The following KIAA1328 variants were observed in gnomAD, a reference collection of about 807,000 sequenced individuals.
The protein encoded by KIAA1328 is protein hinderin.
KIAA1328 carries 52 observed loss-of-function variants against 68.1 expected under a neutral mutation model. The ratio of observed to expected loss-of-function variants is 0.76; its 90% confidence interval spans 0.61 to 0.96. The LOEUF is 0.96. Ranked by LOEUF, KIAA1328 falls within the 40% of genes least tolerant of loss-of-function variation. The probability of loss-of-function intolerance (pLI) is 0.00; values close to 1 mark genes in which losing one functional copy is unlikely to be tolerated. For synonymous variants in KIAA1328, 232 were observed against 239.4 expected (o/e 0.97, Z 0.28); for missense variants, 641 against 677.6 (o/e 0.95, Z 0.60).
At chr18:37,078,478 T>C (rs2151786063) in intron 7 of KIAA1328, among the ~76,000 whole-genome samples, 1 of 150,446 alleles carries the variant, frequency 6.6e-6, no homozygotes, top group Non-Finnish European at 1.5e-5. Flanking sequence ...AATTGACAAA[T>C]GGGATCTAAT....
At chr18:37,051,441 A>G (rs564399215) in intron 6 of KIAA1328, among the ~76,000 whole-genome samples, 1 of 152,292 alleles carries the variant, frequency 6.6e-6, no homozygotes, top group South Asian at 2.1e-4. Flanking sequence ...CATACAAACT[A>G]GAAAGCCTAG....
At chr18:37,221,729 T>C (rs2060566709) in intron 9 of KIAA1328, among the ~76,000 whole-genome samples, 1 of 152,202 alleles carries the variant, frequency 6.6e-6, no homozygotes, top group South Asian at 2.1e-4. Flanking sequence ...ACTGTTAATA[T>C]CATTACTGTT....
Position 37,223,310 on chromosome 18 carries a change from G to T in KIAA1328, c.*1083G>T, listed in dbSNP as rs2060597521. The T allele has an allele frequency of 4.1e-6, 4 of 985,112 alleles. No homozygotes were observed. Among genetic ancestry groups the T allele is most frequent in the East Asian group, 1.1e-4 (1 of 8,794 alleles). The allele number at this position is 985,112 out of a possible 1,614,324, so 61.0% of individuals were successfully genotyped here. The stretch of plus-strand genomic sequence containing the variant: ...AGGGTCTCCCTACTTTTTCTCACTG[G>T]CCTCGTTTTGACCCAGAGAAAGCCT... On this transcript the variant is annotated 3_prime_UTR_variant, in exon 10 of 10. Transcript: ENST00000280020.
At chr18:36,966,427 C>CGT (rs545786639) in intron 6 of KIAA1328, among the ~76,000 whole-genome samples, 7 of 151,748 alleles carry the variant, frequency 4.6e-5, no homozygotes, top group Admixed American at 2.0e-4. Context: ...ATATAAAGAT[C>CGT]GTGTGTGTGT....
intron 6 of KIAA1328, among the ~76,000 whole-genome samples, chr18:36,981,232 C>G (rs1207950443): frequency 6.6e-6 from 1 of 152,074 alleles, no homozygotes; most frequent in Non-Finnish European, 1.5e-5. Context: ...GGCTGAGCAC[C>G]TCTCCACACT....
intron 8 of KIAA1328, among the ~76,000 whole-genome samples, chr18:37,169,172 T>A (rs112014724): frequency 0.022 from 3,031 of 138,644 alleles, 55 homozygotes; most frequent in Admixed American, 0.069. Flanking sequence ...TTATTTATAT[T>A]TTTTTTTTTT....
At chr18:37,077,446 C>T (rs1424362439) in intron 7 of KIAA1328, among the ~76,000 whole-genome samples, 1 of 149,500 alleles carries the variant, frequency 6.7e-6, no homozygotes, top group Non-Finnish European at 1.5e-5. Context: ...CCTCTCTCAC[C>T]ACTCCTATTC....
intron 9 of KIAA1328, among the ~76,000 whole-genome samples, chr18:37,186,586 A>C (rs1020372803): frequency 6.9e-6 from 1 of 144,702 alleles, no homozygotes; most frequent in Non-Finnish European, 1.5e-5. Flanking sequence ...AAAAAAAAAA[A>C]ACCATGAAGG....
chr18:36,890,730 T>G (rs1325358246), intron 5 of KIAA1328, among the ~76,000 whole-genome samples: 1 of 152,120 alleles, frequency 6.6e-6, no homozygotes, highest in Non-Finnish European at 1.5e-5. Flanking sequence ...TTTCAAAGAC[T>G]CCTGAGAGAC....
intron 9 of KIAA1328, among the ~76,000 whole-genome samples, chr18:37,203,256 G>A (rs1459873057): frequency 6.6e-6 from 1 of 151,894 alleles, no homozygotes; most frequent in Non-Finnish European, 1.5e-5. Context: ...CACAAGATAA[G>A]ATTTTCATAA....
intron 4 of KIAA1328, among the ~76,000 whole-genome samples, chr18:36,861,856 A>G (rs2047574051): frequency 1.3e-5 from 2 of 151,858 alleles, no homozygotes; most frequent in African/African-American, 4.8e-5. Flanking sequence ...TTTTATAGAT[A>G]TAAAAAAATC....
intron 5 of KIAA1328, among the ~76,000 whole-genome samples, chr18:36,951,038 G>A (rs1002098122): frequency 6.6e-6 from 1 of 152,162 alleles, no homozygotes; most frequent in Non-Finnish European, 1.5e-5. Flanking sequence ...GGACACAGTC[G>A]ACTTCATCTT....
chr18:37,060,002 C>T (rs879697627), intron 6 of KIAA1328, among the ~76,000 whole-genome samples: 16 of 140,428 alleles, frequency 1.1e-4, no homozygotes, highest in Non-Finnish European at 1.2e-4. Context: ...ACACTGGGGC[C>T]TGTTGGGGGA....
chr18:36,893,041 T>A (rs950406372), intron 5 of KIAA1328, among the ~76,000 whole-genome samples: 1 of 151,830 alleles, frequency 6.6e-6, no homozygotes, highest in African/African-American at 2.4e-5. Context: ...CCCCTGAATC[T>A]AAAAAAAAGT....
intron 6 of KIAA1328, among the ~76,000 whole-genome samples, chr18:36,975,064 A>G (rs917018813): frequency 1.1e-4 from 16 of 152,162 alleles, no homozygotes; most frequent in African/African-American, 3.9e-4. Context: ...TTGAGTGCAG[A>G]AGAGAGAGAG....
At position 37,193,506 on chromosome 18, in the gene KIAA1328, T is replaced by C. The variant is rs940612309; in HGVS notation, c.1523+20425T>C. 6.0e-6 allele frequency: 4 copies of C among 662,984 alleles called. No homozygotes were observed. In the African/African-American group the frequency reaches 7.2e-5, roughly 12 times the overall value. 41.1% of individuals were successfully genotyped at this position (662,984 alleles called of 1,614,324 possible). A position where few individuals can be genotyped will look rare whatever the true frequency, so the allele number is the denominator to read the frequency against. On this transcript the variant is annotated intron_variant, in intron 9 of 9. Coordinates refer to ENST00000280020, the MANE Select transcript of KIAA1328 (RefSeq NM_020776.3). The stretch of plus-strand genomic sequence containing the variant: ...AAACTTTGAGACTCAGGAAAAACTT[T>C]TACAGTTTCAGAATTTCAGATGAAT...
chr18:37,033,810 C>G (rs1938700463), intron 6 of KIAA1328, among the ~76,000 whole-genome samples: 1 of 152,226 alleles, frequency 6.6e-6, no homozygotes, highest in African/African-American at 2.4e-5. Flanking sequence ...TAGGATTTCT[C>G]TCACTGAACG....
intron 8 of KIAA1328, among the ~76,000 whole-genome samples, chr18:37,169,521 G>A (rs2059459087): frequency 6.7e-6 from 1 of 149,464 alleles, no homozygotes; most frequent in African/African-American, 2.5e-5. Context: ...GTCTGTGTTT[G>A]TGTGTGTGTG....
chr18:37,025,694 T>A (rs1226768278), intron 6 of KIAA1328, among the ~76,000 whole-genome samples: 4 of 152,096 alleles, frequency 2.6e-5, no homozygotes, highest in Admixed American at 6.5e-5. Flanking sequence ...AGACAAAACA[T>A]ACCAGAATCT....
Sources: allele counts gnomAD v4.1 joint callset (sites outside exome capture counted in the v4.1 genomes callset), GRCh38; gene constraint gnomAD v4.1.1; transcripts MANE v1.5; gene names NCBI Gene and HGNC (gene_info 2026-07-23, HGNC 2026-07-21).